Variants in CALD1 observed in about 807,000 individuals in gnomAD.
CALD1 encodes caldesmon 1.
A neutral mutation model predicts 99.9 loss-of-function variants in CALD1; 33 were observed. That is an observed-to-expected ratio of 0.33 (90% CI 0.25 to 0.44). The LOEUF (loss-of-function observed/expected upper bound fraction) is 0.44. Among genes scored for constraint, CALD1 ranks in the 20% least tolerant of loss-of-function variants. The pLI is 1.00. For missense variants in CALD1, 861 were observed against 962.1 expected, an observed-to-expected ratio of 0.89 and a Z score of 1.39; for synonymous variants, 310 against 325.0, an observed-to-expected ratio of 0.95 and a Z score of 0.50.
At chr7:134,772,098 T>TTC in intron 1 of CALD1, among the ~76,000 whole-genome samples, 1 of 149,792 alleles carries the variant, frequency 6.7e-6, no homozygotes, top group East Asian at 1.9e-4. Context: ...AAATGAACTT[T>TTC]TTTTTTTTTT....
rs201422064 is a variant in CALD1, at chr7:134,891,689, G to A, written c.71+23885G>A. ...CGCTCTCCCAGTGAGTCCTCATTTC[G>A]TCTCTTTGGTTTTTTCCTTTCTTTT... On this transcript the variant is annotated intron_variant, in intron 3 of 14. Coordinates refer to ENST00000361675, the MANE Select transcript of CALD1 (RefSeq NM_033138.4). 1.4e-4 allele frequency: 210 copies of A among 1,525,214 alleles called. 1 individual carries two copies. The African/African-American group carries it at 2.6e-3, about 19-fold the overall frequency. 94.5% of individuals were successfully genotyped at this position (1,525,214 alleles called of 1,614,324 possible).
chr7:134,915,205 T>G (rs988739992), intron 3 of CALD1, among the ~76,000 whole-genome samples: 12 of 152,208 alleles, frequency 7.9e-5, no homozygotes, highest in Non-Finnish European at 1.6e-4. Context: ...TAGGCCTTCA[T>G]GCAGCCCCCT....
At chr7:134,888,884 T>G (rs922731695) in intron 3 of CALD1, among the ~76,000 whole-genome samples, 15 of 152,232 alleles carry the variant, frequency 9.9e-5, no homozygotes, top group Non-Finnish European at 1.5e-4. Context: ...AGCTGGCAAT[T>G]AGCACACTTT....
chr7:134,826,431 C>T (rs1404387014), intron 1 of CALD1, among the ~76,000 whole-genome samples: 1 of 152,140 alleles, frequency 6.6e-6, no homozygotes, highest in Admixed American at 6.6e-5. Flanking sequence ...CTCCTAAGTA[C>T]TCCAGCCCAC....
chr7:134,759,958 A>G (rs920812158), intron 1 of CALD1, among the ~76,000 whole-genome samples: 12 of 152,254 alleles, frequency 7.9e-5, no homozygotes, highest in African/African-American at 2.7e-4. Context: ...CATAGGGTCA[A>G]TGAGGTCTCC....
At chr7:134,890,500 T>G (rs1032310219) in intron 3 of CALD1, among the ~76,000 whole-genome samples, 2 of 152,196 alleles carry the variant, frequency 1.3e-5, no homozygotes, top group Non-Finnish European at 1.5e-5. Flanking sequence ...AGAATAATCT[T>G]AACTCTACAT....
chr7:134,788,294 C>T (rs1356717895), intron 1 of CALD1, among the ~76,000 whole-genome samples: 1 of 152,218 alleles, frequency 6.6e-6, no homozygotes, highest in African/African-American at 2.4e-5. Flanking sequence ...TGCTGTGCAA[C>T]TGAGCTTCTC....
intron 3 of CALD1, among the ~76,000 whole-genome samples, chr7:134,886,091 G>A (rs1457360659): frequency 6.6e-6 from 1 of 152,190 alleles, no homozygotes; most frequent in Non-Finnish European, 1.5e-5. Flanking sequence ...TAGAGAGTCG[G>A]CCTAAGTAAT....
intron 1 of CALD1, among the ~76,000 whole-genome samples, chr7:134,794,402 C>G (rs1434458238): frequency 6.6e-6 from 1 of 152,226 alleles, no homozygotes; most frequent in Non-Finnish European, 1.5e-5. Flanking sequence ...TGTGCATTGC[C>G]TTTGTTATGA....
intron 1 of CALD1, among the ~76,000 whole-genome samples, chr7:134,744,953 TG>T (rs1391934330): frequency 6.6e-6 from 1 of 152,224 alleles, no homozygotes; most frequent in Non-Finnish European, 1.5e-5. Flanking sequence ...TAGTAATTTA[TG>T]TTCAAATTTC....
At chr7:134,918,713 A>G (rs963312977) in intron 3 of CALD1, among the ~76,000 whole-genome samples, 3 of 152,300 alleles carry the variant, frequency 2.0e-5, no homozygotes, top group East Asian at 3.9e-4. Flanking sequence ...AGTCATGTAC[A>G]TGGCTAGGCG....
At chr7:134,791,285 C>G (rs181415162) in intron 1 of CALD1, among the ~76,000 whole-genome samples, 1 of 152,320 alleles carries the variant, frequency 6.6e-6, no homozygotes, top group East Asian at 1.9e-4. Context: ...CAACCTCTGC[C>G]TCCTGGGTTC....
At chr7:134,818,173 A>G (rs1798629594) in intron 1 of CALD1, among the ~76,000 whole-genome samples, 1 of 152,204 alleles carries the variant, frequency 6.6e-6, no homozygotes, top group Admixed American at 6.5e-5. Flanking sequence ...TCAGGAAAAT[A>G]CAATATTTTA....
At chr7:134,896,703 A>G (rs796425613) in intron 3 of CALD1, among the ~76,000 whole-genome samples, 3 of 152,254 alleles carry the variant, frequency 2.0e-5, no homozygotes, top group East Asian at 1.9e-4. Flanking sequence ...CCTTTGATCT[A>G]TTGATCCTTG....
At position 134,928,809 on chromosome 7, in the gene CALD1, C is replaced by T; in HGVS notation, c.127C>T (p.Arg43Cys). 1.9e-6 allele frequency: 3 copies of T among 1,613,976 alleles called. No individual in the cohort carries two copies. Among genetic ancestry groups the T allele is most frequent in the Non-Finnish European group, 2.5e-6 (3 of 1,179,932 alleles). The part of the protein sequence containing the change: ...DEEEAARERR[R>C]RARQERLRQK... ...AGAGGAGGCAGCCCGGGAACGGCGCCGCCGAGCCCGACAGGAACGGCTGCG... is the reference window on the plus strand; with the variant it reads ...AGAGGAGGCAGCCCGGGAACGGCGCTGCCGAGCCCGACAGGAACGGCTGCG... Residue 43 changes from arginine (R) to cysteine (C), a missense_variant, in exon 4 of 15, where the codon CGC becomes TGC. Transcript: ENST00000361675.
intron 1 of CALD1, among the ~76,000 whole-genome samples, chr7:134,764,234 A>G (rs1370996298): frequency 6.6e-6 from 1 of 151,844 alleles, no homozygotes; most frequent in Non-Finnish European, 1.5e-5. Flanking sequence ...ATCCACACTC[A>G]CCGTTCCCCA....
intron 3 of CALD1, among the ~76,000 whole-genome samples, chr7:134,876,762 T>A (rs529435890): frequency 6.6e-6 from 1 of 152,256 alleles, no homozygotes; most frequent in Non-Finnish European, 1.5e-5. Flanking sequence ...ATTTCTCCAT[T>A]CTTACCAGTT....
Position 134,874,417 on chromosome 7 carries a change from GCTCCACCGGCCTCAGC to G in CALD1, c.71+6618_71+6633del, listed in dbSNP as rs369405892. Among the ~76,000 whole-genome samples the G allele has an allele frequency of 2.6e-4, 40 of 152,234 alleles. No homozygotes were observed. The East Asian group carries it at 5.2e-3, about 20-fold the overall frequency. ...TGGTCTCAAACTCCTGGCCTCAAGTGCTCCACCGGCCTCAGCCTCCCAAAGTACTGGGATTACAGGC... is the reference window on the plus strand; with the variant it reads ...TGGTCTCAAACTCCTGGCCTCAAGTGCTCCCAAAGTACTGGGATTACAGGC... On this transcript the variant is annotated intron_variant, in intron 3 of 14. Transcript: ENST00000361675.
intron 3 of CALD1, among the ~76,000 whole-genome samples, chr7:134,899,137 G>T (rs1353831656): frequency 6.6e-6 from 1 of 151,192 alleles, no homozygotes; most frequent in East Asian, 1.9e-4. Flanking sequence ...TTTTCCTTTT[G>T]TAACTATCCT....
Sources: gnomAD v4.1 joint callset for allele counts (sites outside exome capture counted in the v4.1 genomes callset) on GRCh38, gnomAD v4.1.1 for gene constraint, MANE v1.5 for transcripts, NCBI Gene and HGNC (gene_info 2026-07-23, HGNC 2026-07-21) for gene names.